Variants in PTK2 observed in about 807,000 individuals in gnomAD.
The protein encoded by PTK2 is protein tyrosine kinase 2.
Under a neutral mutation model 150.1 loss-of-function variants are expected in PTK2, and 45 were observed. That is an observed-to-expected ratio of 0.30 (90% CI 0.24 to 0.38). The LOEUF (loss-of-function observed/expected upper bound fraction) is 0.38. PTK2 is among the 10% of genes least tolerant of loss of function. The probability of loss-of-function intolerance (pLI) is 1.00; values close to 1 mark genes in which losing one functional copy is unlikely to be tolerated. For synonymous variants in PTK2, 432 were observed against 449.2 expected, an observed-to-expected ratio of 0.96 and a Z score of 0.48; for missense variants, 919 against 1,307.3, an observed-to-expected ratio of 0.70 and a Z score of 4.58.
intron 7 of PTK2, among the ~76,000 whole-genome samples, chr8:140,839,696 C>T (rs926574111): frequency 6.6e-6 from 1 of 151,796 alleles, no homozygotes; most frequent in South Asian, 2.1e-4. Context: ...AAGAGAGAAT[C>T]CAGAGAGACA....
At chr8:140,708,225 C>T (rs945933019) in intron 23 of PTK2, among the ~76,000 whole-genome samples, 4 of 152,172 alleles carry the variant, frequency 2.6e-5, no homozygotes, top group East Asian at 1.9e-4. Flanking sequence ...CTCTCTCCCA[C>T]AGTGCTGGGT....
chr8:140,722,291 T>C lies in PTK2; in HGVS notation c.2031-4582A>G, dbSNP rs950175374. ...CCTGGCCAATTTCTTTTTTCTTTTTTTGAGACAGGGTCTAACTCTGTAGCC... is the reference window on the plus strand; with the variant it reads ...CCTGGCCAATTTCTTTTTTCTTTTTCTGAGACAGGGTCTAACTCTGTAGCC... On this transcript the variant is annotated intron_variant, in intron 22 of 31. Transcript: ENST00000522684. Among the ~76,000 whole-genome samples, 6 of 152,278 alleles carry C rather than the reference T, an allele frequency of 3.9e-5. No individual in the cohort carries two copies. The East Asian group carries it at 1.2e-3, about 29-fold the overall frequency.
chr8:140,806,740 T>C (rs941653344), intron 10 of PTK2, among the ~76,000 whole-genome samples: 13 of 152,166 alleles, frequency 8.5e-5, no homozygotes, highest in Non-Finnish European at 1.5e-5. Context: ...CCTTCCAATG[T>C]ATTGTGCTAA....
chr8:140,885,669 A>T (rs1477640934), intron 3 of PTK2, among the ~76,000 whole-genome samples: 9 of 152,300 alleles, frequency 5.9e-5, no homozygotes, highest in Non-Finnish European at 1.0e-4. Flanking sequence ...AGGCCACAAA[A>T]GGAATCTGGC....
At chr8:140,848,784 T>G (rs1011826747) in intron 5 of PTK2, among the ~76,000 whole-genome samples, 2 of 152,172 alleles carry the variant, frequency 1.3e-5, no homozygotes, top group African/African-American at 4.8e-5. Flanking sequence ...CCAAGATAGG[T>G]ATTTAGATAG....
At chr8:140,743,087 A>G in intron 20 of PTK2, 143 bp downstream of exon 23, 2 of 580,618 alleles carry the variant, frequency 3.4e-6, no homozygotes, top group Non-Finnish European at 5.9e-6. Flanking sequence ...CTCCAGCACC[A>G]TTGCTGAGAA....
At chr8:140,662,548 A>AC (rs1043754560) in intron 31 of PTK2, 1 of 401,684 alleles carries the variant, frequency 2.5e-6, no homozygotes, top group Non-Finnish European at 4.4e-6. Context: ...AAGTGAGAGA[A>AC]CCCCATTTGG....
chr8:140,859,526 A>G (rs1396445691), intron 5 of PTK2, among the ~76,000 whole-genome samples: 10 of 152,202 alleles, frequency 6.6e-5, no homozygotes. Flanking sequence ...TGTTATGTAT[A>G]TATGTATCCA....
intron 1 of PTK2, among the ~76,000 whole-genome samples, chr8:140,935,342 G>GC (rs2100173228): frequency 1.3e-5 from 2 of 152,092 alleles, no homozygotes; most frequent in South Asian, 4.2e-4. Context: ...TTCACTGAAG[G>GC]CAAGCACCCC....
At chr8:140,730,953 ACCC>A (rs10713091) in intron 22 of PTK2, among the ~76,000 whole-genome samples, 1 of 96,624 alleles carries the variant, frequency 1.0e-5, no homozygotes, top group African/African-American at 3.8e-5. Flanking sequence ...ATTAAATTAA[ACCC>A]CCCCCCCCCT....
At chr8:140,977,274 T>A (rs779472784) in intron 1 of PTK2, among the ~76,000 whole-genome samples, 3 of 152,072 alleles carry the variant, frequency 2.0e-5, no homozygotes, top group Non-Finnish European at 4.4e-5. Context: ...CACCTGCTAG[T>A]CCCAGAAACT....
chr8:140,900,059 C>T (rs1186071520), intron 2 of PTK2, among the ~76,000 whole-genome samples: 1 of 152,150 alleles, frequency 6.6e-6, no homozygotes, highest in African/African-American at 2.4e-5. Flanking sequence ...AGGATGCCCA[C>T]TCTCACCACT....
chr8:140,792,933 G>A lies in PTK2; in HGVS notation c.1124+421C>T, dbSNP rs1053698457. On this transcript the variant is annotated intron_variant, in intron 13 of 31. Coordinates refer to ENST00000522684, the Ensembl canonical transcript of PTK2. Reference sequence around the variant, plus strand: ...ATAAGTTCTTTTGGTATTACTATTCGATTCTTTTAGTTTTGTAGATCAACA... The same window carrying A: ...ATAAGTTCTTTTGGTATTACTATTCAATTCTTTTAGTTTTGTAGATCAACA... Among the ~76,000 whole-genome samples the A allele has an allele frequency of 2.6e-5, 4 of 152,188 alleles. No individual in the cohort carries two copies. The East Asian group carries it at 5.8e-4, about 22-fold the overall frequency.
Position 140,931,660 on chromosome 8 carries a change from C to T in PTK2, c.-121-5911G>A, listed in dbSNP as rs1000145099. On this transcript the variant is annotated intron_variant, in intron 1 of 31. Transcript: ENST00000522684. ...ATTCTTAAAAATACTGTAGGCCAGG[C>T]GTGATGACTCATGCCTGTAAACCCA... 6.6e-5 allele frequency among the ~76,000 whole-genome samples: 10 copies of T among 151,844 alleles called. No individual in the cohort carries two copies. In the East Asian group the frequency reaches 1.4e-3, roughly 21 times the overall value.
chr8:140,966,884 G>A (rs2100185507), intron 1 of PTK2, among the ~76,000 whole-genome samples: 1 of 152,224 alleles, frequency 6.6e-6, no homozygotes, highest in Admixed American at 6.5e-5. Context: ...CACTAAATCT[G>A]TGCTTCATTA....
At chr8:140,923,375 T>C (rs1459494824) in intron 2 of PTK2, among the ~76,000 whole-genome samples, 2 of 152,138 alleles carry the variant, frequency 1.3e-5, no homozygotes, top group Non-Finnish European at 2.9e-5. Context: ...ATTTAACCCA[T>C]AACACAATCT....
chr8:140,938,554 A>G (rs1444739009), intron 1 of PTK2, among the ~76,000 whole-genome samples: 1 of 152,192 alleles, frequency 6.6e-6, no homozygotes, highest in East Asian at 1.9e-4. Flanking sequence ...TTCTTTCTTT[A>G]GAATCCCAAC....
At position 140,665,895 on chromosome 8, in the gene PTK2, T is replaced by A. The variant is rs73364400; in HGVS notation, c.2866-898A>T. 2.9e-3 allele frequency among the ~76,000 whole-genome samples: 435 copies of A among 152,350 alleles called. 4 individuals are homozygous for A. Among genetic ancestry groups the A allele is most frequent in the Middle Eastern group, 0.02 (6 of 294 alleles). ...GCAAGTTCCTCCTTAAGAACTTTGG[T>A]TAAAACTGTTATGTGGATACACTTT... On this transcript the variant is annotated intron_variant, in intron 30 of 31. Coordinates refer to ENST00000522684, the Ensembl canonical transcript of PTK2.
chr8:140,901,927 G>A (rs1238967431), intron 2 of PTK2, among the ~76,000 whole-genome samples: 1 of 152,018 alleles, frequency 6.6e-6, no homozygotes, highest in Non-Finnish European at 1.5e-5. Context: ...CTGTTCCTGT[G>A]TTAGTTTGCC....
Sources: gnomAD v4.1 joint callset for allele counts (sites outside exome capture counted in the v4.1 genomes callset) on GRCh38, gnomAD v4.1.1 for gene constraint, MANE v1.5 for transcripts, NCBI Gene and HGNC (gene_info 2026-07-23, HGNC 2026-07-21) for gene names.